PCDH15: variants seen among roughly 807,000 people sequenced by gnomAD.
PCDH15 encodes protocadherin related 15, also known as protocadherin-15.
Under a neutral mutation model 178.5 loss-of-function variants are expected in PCDH15, and 129 were observed. The ratio of observed to expected loss-of-function variants is 0.72; its 90% CI spans 0.63 to 0.84. The LOEUF (loss-of-function observed/expected upper bound fraction) is 0.84, where lower values mean the gene tolerates loss of function less well. Among genes scored for constraint, PCDH15 ranks in the 40% least tolerant of loss-of-function variants. The pLI, the probability that PCDH15 is intolerant of heterozygous loss-of-function variation, is 0.00. For missense variants in PCDH15, 2,230 were observed against 2,099.9 expected, an observed-to-expected ratio of 1.06 and a Z score of -1.21; for synonymous variants, 800 against 732.0, an observed-to-expected ratio of 1.09 and a Z score of -1.50.
intron 1 of PCDH15, among the ~76,000 whole-genome samples, chr10:55,180,458 G>C (rs929070441): frequency 6.6e-6 from 1 of 152,056 alleles, no homozygotes; most frequent in African/African-American, 2.4e-5. Flanking sequence ...TTGTAAAAGG[G>C]GAAATAGTTA....
chr10:55,375,231 G>A (rs997380514), intron 2 of PCDH15, among the ~76,000 whole-genome samples: 14 of 152,124 alleles, frequency 9.2e-5, no homozygotes, highest in Admixed American at 2.0e-4. Context: ...GCTGCTTTCC[G>A]GTGAGTGTTC....
chr10:55,200,015 G>C (rs1840200292), intron 1 of PCDH15, among the ~76,000 whole-genome samples: 2 of 152,110 alleles, frequency 1.3e-5, no homozygotes, highest in African/African-American at 4.8e-5. Context: ...CAGTGTGGAG[G>C]GGAATGTGGG....
intron 20 of PCDH15, among the ~76,000 whole-genome samples, chr10:54,018,288 A>T (rs1265621292): frequency 6.6e-6 from 1 of 152,134 alleles, no homozygotes; most frequent in East Asian, 1.9e-4. Flanking sequence ...TAAACAAAAT[A>T]AAAATAAAAA....
At chr10:54,679,878 AC>A (rs1367314978) in intron 1 of PCDH15, among the ~76,000 whole-genome samples, 2 of 152,190 alleles carry the variant, frequency 1.3e-5, no homozygotes, top group Non-Finnish European at 2.9e-5. Flanking sequence ...TAGCTTGTAA[AC>A]TTTTGAATCT....
chr10:55,143,566 T>C (rs938048650), intron 2 of PCDH15, among the ~76,000 whole-genome samples: 30 of 152,050 alleles, frequency 2.0e-4, no homozygotes, highest in African/African-American at 6.3e-4. Context: ...ATCACCGTGT[T>C]TTGCAAAAAT....
intron 2 of PCDH15, among the ~76,000 whole-genome samples, chr10:55,362,756 C>T (rs527324736): frequency 2.8e-4 from 42 of 152,190 alleles, no homozygotes; most frequent in African/African-American, 7.2e-4. Flanking sequence ...AAGAGTTCCT[C>T]GTGATGTCCT....
At chr10:55,238,145 C>CT (rs758000610) in intron 1 of PCDH15, among the ~76,000 whole-genome samples, 6,124 of 124,458 alleles carry the variant, frequency 0.049, 232 homozygotes, top group Middle Eastern at 0.071. Context: ...TTCATATTTT[C>CT]TTTTTTTTTT....
intron 2 of PCDH15, among the ~76,000 whole-genome samples, chr10:55,014,321 C>T (rs1211882487): frequency 6.6e-6 from 1 of 152,066 alleles, no homozygotes; most frequent in Non-Finnish European, 1.5e-5. Flanking sequence ...AATACACAAA[C>T]TTATTTCTTC....
intron 20 of PCDH15, among the ~76,000 whole-genome samples, chr10:54,003,762 CAGG>C (rs1268489637): frequency 1.4e-4 from 10 of 72,076 alleles, no homozygotes; most frequent in Non-Finnish European, 1.7e-4. Context: ...AAAAAAAAAA[CAGG>C]AGGAGGGAAT....
intron 1 of PCDH15, among the ~76,000 whole-genome samples, chr10:54,736,099 C>G (rs1464737864): frequency 6.6e-6 from 1 of 151,976 alleles, no homozygotes; most frequent in Non-Finnish European, 1.5e-5. Context: ...AGAGTTATCC[C>G]TCTTGAGCAC....
intron 1 of PCDH15, among the ~76,000 whole-genome samples, chr10:54,783,809 C>T (rs1293582402): frequency 6.6e-6 from 1 of 152,118 alleles, no homozygotes; most frequent in Non-Finnish European, 1.5e-5. Flanking sequence ...ATCTTCACCA[C>T]TCAAGTGATG....
At chr10:54,158,829 C>A (rs767929859) in intron 13 of PCDH15, among the ~76,000 whole-genome samples, 1 of 151,954 alleles carries the variant, frequency 6.6e-6, no homozygotes, top group Admixed American at 6.6e-5. Context: ...AATTATGGGC[C>A]GGAAGCTGTG....
intron 13 of PCDH15, among the ~76,000 whole-genome samples, chr10:54,171,819 T>C (rs1366166380): frequency 6.6e-6 from 1 of 151,826 alleles, no homozygotes; most frequent in Admixed American, 6.6e-5. Context: ...CCATCACCAA[T>C]CATTCTATAT....
Position 54,352,922 on chromosome 10 carries a change from C to T in PCDH15, c.475-6438G>A, listed in dbSNP as rs75594255. ...GATAAAATAATGTTATAGATTCATT[C>T]TTGCAATTAATCCCTGCCTTGGAAA... is the stretch of plus-strand genomic sequence containing the variant. On this transcript the variant is annotated intron_variant, in intron 5 of 37. Coordinates refer to ENST00000644397, the MANE Select transcript of PCDH15 (RefSeq NM_001384140.1). Among the ~76,000 whole-genome samples the T allele has an allele frequency of 3.3e-5, 5 of 152,174 alleles. No homozygotes were observed. In the South Asian group the frequency reaches 1.0e-3, roughly 32 times the overall value.
At chr10:54,720,502 T>C (rs970339617) in intron 1 of PCDH15, among the ~76,000 whole-genome samples, 2 of 129,668 alleles carry the variant, frequency 1.5e-5, no homozygotes, top group South Asian at 2.5e-4. Context: ...ATTGGAAGAC[T>C]ATTTTTAGTC....
chr10:53,844,117 T>G, intron 28 of PCDH15, among the ~76,000 whole-genome samples: 1 of 151,668 alleles, frequency 6.6e-6, no homozygotes. Context: ...TGTATAAATG[T>G]GCTGATGTAG....
intron 1 of PCDH15, among the ~76,000 whole-genome samples, chr10:54,797,296 T>C (rs944978102): frequency 1.3e-5 from 2 of 151,994 alleles, no homozygotes; most frequent in African/African-American, 4.8e-5. Context: ...ATTTACCAAC[T>C]TGAAGGAAAG....
intron 3 of PCDH15, among the ~76,000 whole-genome samples, chr10:54,447,788 T>A (rs2076235333): frequency 6.6e-6 from 1 of 151,766 alleles, no homozygotes. Flanking sequence ...GCTACTTAGA[T>A]TTTATCAAGT....
intron 23 of PCDH15, among the ~76,000 whole-genome samples, chr10:53,942,240 A>G (rs1476605818): frequency 2.0e-5 from 3 of 150,066 alleles, no homozygotes; most frequent in Non-Finnish European, 4.5e-5. Flanking sequence ...TGTGTAAAGT[A>G]GATATTTAAT....
Sources: gnomAD v4.1 joint callset for allele counts (sites outside exome capture counted in the v4.1 genomes callset) on GRCh38, gnomAD v4.1.1 for gene constraint, MANE v1.5 for transcripts, NCBI Gene and HGNC (gene_info 2026-07-23, HGNC 2026-07-21) for gene names.